The following POLD3 variants were observed in gnomAD, a reference collection of about 807,000 sequenced individuals.
POLD3 encodes DNA polymerase delta subunit 3.
A neutral mutation model predicts 58.2 loss-of-function variants in POLD3; 19 were observed. The ratio of observed to expected loss-of-function variants is 0.33; its 90% confidence interval spans 0.23 to 0.48. POLD3 has a LOEUF of 0.48. Among genes scored for constraint, POLD3 ranks in the 20% least tolerant of loss-of-function variants. POLD3 has a pLI of 0.99. For missense variants in POLD3, 504 were observed against 545.5 expected, an observed-to-expected ratio of 0.92 and a Z score of 0.76; for synonymous variants, 172 against 193.5, an observed-to-expected ratio of 0.89 and a Z score of 0.92.
chr11:74,636,291 G>A lies in POLD3; in HGVS notation c.1198+16G>A, dbSNP rs1337593118. The A allele has an allele frequency of 6.8e-6, 11 of 1,611,332 alleles. No homozygotes were observed. The highest frequency in any genetic ancestry group is 6.8e-6 in the Non-Finnish European group (8 of 1,178,566). On this transcript the variant is annotated intron_variant, in intron 11 of 11. Coordinates refer to ENST00000263681, the MANE Select transcript of POLD3 (RefSeq NM_006591.3). ...GGCTGCATAGGTAAGACAAATATTT[G>A]GCTCCAAATCCAGAGATAGAATCTC...
chr11:74,636,090 A>G (rs2032741854), intron 10 of POLD3, 107 bp from the exon 11 acceptor site: 4 of 1,055,858 alleles, frequency 3.8e-6, no homozygotes, highest in South Asian at 3.3e-5. Context: ...TCAACTTTTT[A>G]TCATAATGGA....
At chr11:74,629,169 C>G (rs1036723928) in intron 8 of POLD3, 48 bp from the exon 9 acceptor site, 3 of 1,104,852 alleles carry the variant, frequency 2.7e-6, no homozygotes, top group Non-Finnish European at 4.0e-6. Context: ...TGAATACTTA[C>G]ATTTTTGTTC....
At chr11:74,625,600 G>C in intron 8 of POLD3, 27 bp downstream of exon 8, 1 of 1,592,260 alleles carries the variant, frequency 6.3e-7, no homozygotes, top group Non-Finnish European at 8.6e-7. Context: ...GCTTATTGGG[G>C]AAGAGTCTTT....
chr11:74,640,359 A>G (rs960871359), intron 11 of POLD3, among the ~76,000 whole-genome samples: 2 of 152,210 alleles, frequency 1.3e-5, no homozygotes, highest in African/African-American at 4.8e-5. Context: ...CTAAGCATCA[A>G]ATAGAGACTG....
At chr11:74,665,219 G>A (rs1437182195) in intron 4 of POLD3, among the ~76,000 whole-genome samples, 2 of 150,360 alleles carry the variant, frequency 1.3e-5, no homozygotes, top group South Asian at 2.1e-4. Context: ...CTGGCAGGAT[G>A]AGGCATGAAA....
At chr11:74,644,722 A>G (rs552710141), downstream of POLD3, among the ~76,000 whole-genome samples, 1 of 152,212 alleles carries the variant, frequency 6.6e-6, no homozygotes, top group South Asian at 2.1e-4. Flanking sequence ...CTGAACACCC[A>G]TTCCCCTTAA....
rs1163895203 is a variant in POLD3 at position 74,640,730 on chromosome 11, A to G, written c.1365A>G (p.Arg455=). The stretch of plus-strand genomic sequence containing the variant: ...CTGCTGCTCTGGGCAAAGCCAACAG[A>G]CAGGTGTCCATTACTGGCTTCTTCC... ...KGTAALGKAN[R]QVSITGFFQR... is the part of the protein sequence containing the mutation. The change falls in exon 12 of 12, where the codon AGA becomes AGG. Residue 455 remains arginine (R), a synonymous_variant. Coordinates refer to ENST00000263681, the MANE Select transcript of POLD3 (RefSeq NM_006591.3). The G allele has an allele frequency of 6.2e-7, 1 of 1,606,748 alleles. No individual in the cohort carries two copies. Among genetic ancestry groups the G allele is most frequent in the Non-Finnish European group, 8.5e-7 (1 of 1,177,420 alleles).
Position 74,636,233 on chromosome 11 carries a change from G to T in POLD3, c.1156G>T (p.Val386Leu), listed in dbSNP as rs377052981. ...SGENKRKRKR[V>L]LKSKTYLDGE... is the part of the protein sequence containing the mutation. Reference sequence around the variant, plus strand: ...AGAAAACAAAAGAAAACGAAAACGCGTACTAAAATCTAAAACTTACCTGGA... The same window carrying T: ...AGAAAACAAAAGAAAACGAAAACGCTTACTAAAATCTAAAACTTACCTGGA... The change falls in exon 11 of 12, where the codon GTA becomes TTA. Residue 386 changes from valine to leucine, a missense_variant. By Grantham distance (32) the Val-to-Leu change is conservative. Coordinates refer to ENST00000263681, the MANE Select transcript of POLD3 (RefSeq NM_006591.3). The T allele has an allele frequency of 1.1e-5, 18 of 1,610,846 alleles. No homozygotes were observed. Among genetic ancestry groups the T allele is most frequent in the Non-Finnish European group, 1.5e-5 (18 of 1,177,220 alleles).
At chr11:74,631,447 G>C (rs192301881) in intron 9 of POLD3, among the ~76,000 whole-genome samples, 84 of 150,522 alleles carry the variant, frequency 5.6e-4, no homozygotes, top group African/African-American at 1.9e-3. Context: ...GACAGTGCTT[G>C]GTACATGGTT....
At chr11:74,647,415 C>CTT (rs10636033), downstream of POLD3, among the ~76,000 whole-genome samples, 130,286 of 152,040 alleles carry the variant, frequency 0.86, 56,348 homozygotes, top group African/African-American at 0.97. Flanking sequence ...CCTGCAAGGT[C>CTT]TCTCCCACAT....
chr11:74,630,117 TAC>T (rs2135167998), intron 9 of POLD3, among the ~76,000 whole-genome samples: 1 of 152,124 alleles, frequency 6.6e-6, no homozygotes, highest in South Asian at 2.1e-4. Context: ...CACATAAAGA[TAC>T]AGAGACAAAC....
At chr11:74,666,270 C>T (rs2033267125) in intron 4 of POLD3, among the ~76,000 whole-genome samples, 1 of 152,226 alleles carries the variant, frequency 6.6e-6, no homozygotes, top group African/African-American at 2.4e-5. Flanking sequence ...CTAATCCCAG[C>T]TTCCTGGGAT....
rs1385828681 is a variant in POLD3 at position 74,634,628 on chromosome 11, C to A, written c.1052C>A (p.Pro351Gln). 1.2e-6 allele frequency: 2 copies of A among 1,613,224 alleles called. No individual in the cohort carries two copies. Among genetic ancestry groups the A allele is most frequent in the Non-Finnish European group, 1.7e-6 (2 of 1,179,222 alleles). ...GCTTATGAAGCTGAGTCACCATCCC[C>A]ACCTCCTCCTCCGTCTCCACCTCTT... ...PGAYEAESPSPPPPPSPPLEP... is the reference protein window; with the variant it reads ...PGAYEAESPSQPPPPSPPLEP... The change falls in exon 10 of 12, where the codon CCA becomes CAA. Residue 351 changes from proline (P) to glutamine (Q), a missense_variant. By Grantham distance (76) the Pro-to-Gln change is moderately conservative (BLOSUM62 -1). Coordinates refer to ENST00000263681, the MANE Select transcript of POLD3 (RefSeq NM_006591.3).
chr11:74,600,732 T>TG (rs1426944117), intron 2 of POLD3, among the ~76,000 whole-genome samples: 2 of 147,734 alleles, frequency 1.4e-5, no homozygotes, highest in Non-Finnish European at 1.5e-5. Flanking sequence ...TTTTTTTTTT[T>TG]TTGAGATAGG....
chr11:74,610,330 C>T (rs571591108), intron 3 of POLD3, among the ~76,000 whole-genome samples: 1 of 152,108 alleles, frequency 6.6e-6, no homozygotes, highest in South Asian at 2.1e-4. Context: ...CCTGCCTCAG[C>T]CTCCCGAGTA....
intron 4 of POLD3, among the ~76,000 whole-genome samples, chr11:74,650,095 A>C (rs1034672998): frequency 6.6e-6 from 1 of 152,216 alleles, no homozygotes; most frequent in African/African-American, 2.4e-5. Flanking sequence ...AGAGATAACA[A>C]ATATAAAGTG....
chr11:74,605,011 T>C (rs1227426543), intron 3 of POLD3, among the ~76,000 whole-genome samples: 3 of 152,248 alleles, frequency 2.0e-5, no homozygotes, highest in Admixed American at 6.5e-5. Flanking sequence ...ATCATTATTA[T>C]GCAATAAGAT....
At chr11:74,617,361 G>T (rs891537363) in intron 5 of POLD3, among the ~76,000 whole-genome samples, 12 of 152,114 alleles carry the variant, frequency 7.9e-5, no homozygotes, top group Non-Finnish European at 1.0e-4. Flanking sequence ...AGGACTATAG[G>T]TTATAGGAGC....
At chr11:74,613,154 T>C in intron 5 of POLD3, 144 bp downstream of exon 5, 1 of 739,754 alleles carries the variant, frequency 1.4e-6, no homozygotes, top group Non-Finnish European at 2.2e-6. Flanking sequence ...GTTTTATTAG[T>C]ACATCATAAG....
Sources: allele counts gnomAD v4.1 joint callset (sites outside exome capture counted in the v4.1 genomes callset), GRCh38; gene constraint gnomAD v4.1.1; transcripts MANE v1.5; gene names NCBI Gene and HGNC (gene_info 2026-07-23, HGNC 2026-07-21).